The following RBFOX1 variants were observed in gnomAD, a reference collection of about 807,000 sequenced individuals.
RBFOX1 encodes RNA binding fox-1 homolog 1.
Under a neutral mutation model 57.7 loss-of-function variants are expected in RBFOX1, and 8 were observed. The observed-to-expected ratio is 0.14, with a 90% CI of 0.08 to 0.25. The LOEUF (loss-of-function observed/expected upper bound fraction) is 0.25. Among genes scored for constraint, RBFOX1 ranks in the 10% least tolerant of loss-of-function variants. RBFOX1 has a pLI of 1.00. For missense variants in RBFOX1, 611 were observed against 548.5 expected, an observed-to-expected ratio of 1.11 and a Z score of -1.14; for synonymous variants, 326 against 222.4, an observed-to-expected ratio of 1.47 and a Z score of -4.15.
At chr16:7,245,156 A>T (rs1003780630) in intron 4 of RBFOX1, among the ~76,000 whole-genome samples, 1 of 152,224 alleles carries the variant, frequency 6.6e-6, no homozygotes, top group African/African-American at 2.4e-5. Context: ...AACATAGAAC[A>T]GTGGTCTTAC....
At chr16:5,400,796 C>G (rs1465134049) in intron 1 of RBFOX1, among the ~76,000 whole-genome samples, 2 of 152,066 alleles carry the variant, frequency 1.3e-5, no homozygotes, top group Admixed American at 6.5e-5. Flanking sequence ...CCACCCCCAA[C>G]AGGTCTTTTT....
chr16:5,521,674 G>A (rs544009318), intron 2 of RBFOX1, among the ~76,000 whole-genome samples: 1 of 152,250 alleles, frequency 6.6e-6, no homozygotes, highest in African/African-American at 2.4e-5. Flanking sequence ...TAAGCAATCA[G>A]GTCTGCTGCA....
chr16:7,051,452 A>T (rs1366012413), intron 3 of RBFOX1, among the ~76,000 whole-genome samples: 1 of 152,338 alleles, frequency 6.6e-6, no homozygotes, highest in East Asian at 1.9e-4. Context: ...GCTAATACCC[A>T]CTTTCCTATC....
Position 5,973,245 on chromosome 16 carries a change from G to A in RBFOX1, c.351+105910G>A, listed in dbSNP as rs1200463067. Among the ~76,000 whole-genome samples, 9 of 152,202 alleles carry A rather than the reference G, an allele frequency of 5.9e-5. 1 individual carries two copies. The South Asian group carries it at 1.9e-3, about 32-fold the overall frequency. On this transcript the variant is annotated intron_variant, in intron 4 of 19. Coordinates refer to the RBFOX1 transcript ENST00000641259. ...AAGAAGGAGGTATTGGAAAATATAT[G>A]AACAGAGTCTAAGGTGTGATATATA...
chr16:7,389,295 T>G (rs1224890674), intron 4 of RBFOX1, among the ~76,000 whole-genome samples: 3 of 152,072 alleles, frequency 2.0e-5, no homozygotes, highest in Admixed American at 2.0e-4. Context: ...CCAGCTAATT[T>G]TAGTATTTTT....
At chr16:7,084,508 G>T (rs145028373) in intron 4 of RBFOX1, among the ~76,000 whole-genome samples, 2 of 152,304 alleles carry the variant, frequency 1.3e-5, no homozygotes, top group East Asian at 3.9e-4. Flanking sequence ...AAGGCCACTT[G>T]TGAGAAATAG....
intron 3 of RBFOX1, among the ~76,000 whole-genome samples, chr16:6,738,583 T>C (rs2071118103): frequency 6.6e-6 from 1 of 152,210 alleles, no homozygotes. Context: ...ATAGAATGAC[T>C]GTATAGGACA....
chr16:5,721,903 G>C (rs1034205597), intron 3 of RBFOX1, among the ~76,000 whole-genome samples: 4 of 152,212 alleles, frequency 2.6e-5, no homozygotes, highest in Non-Finnish European at 5.9e-5. Flanking sequence ...TATGTGGAAA[G>C]ACAAACACAA....
intron 4 of RBFOX1, among the ~76,000 whole-genome samples, chr16:7,452,427 C>T (rs1427898743): frequency 6.6e-6 from 1 of 152,184 alleles, no homozygotes; most frequent in Non-Finnish European, 1.5e-5. Flanking sequence ...CTTCATATTC[C>T]ATGAGGTTAC....
intron 2 of RBFOX1, among the ~76,000 whole-genome samples, chr16:6,395,441 G>T (rs2092786149): frequency 6.6e-6 from 1 of 152,006 alleles, no homozygotes. Context: ...TGTTTTAATG[G>T]CTCTGTAACT....
intron 3 of RBFOX1, among the ~76,000 whole-genome samples, chr16:6,777,859 A>G (rs147203878): frequency 0.012 from 1,813 of 152,280 alleles, 39 homozygotes; most frequent in African/African-American, 0.04. Context: ...AGTATTCCTC[A>G]GAGGTGTCAG....
intron 3 of RBFOX1, among the ~76,000 whole-genome samples, chr16:6,787,554 A>G (rs2082173596): frequency 6.6e-6 from 1 of 152,176 alleles, no homozygotes; most frequent in Admixed American, 6.5e-5. Flanking sequence ...AATTTGTGCC[A>G]ATTCCAGATT....
chr16:6,227,993 G>A (rs1254203833), intron 1 of RBFOX1, among the ~76,000 whole-genome samples: 1 of 152,160 alleles, frequency 6.6e-6, no homozygotes, highest in Non-Finnish European at 1.5e-5. Flanking sequence ...GCACTCCTGT[G>A]TTTATTGCAG....
chr16:5,917,351 C>G (rs1486722713), intron 4 of RBFOX1, among the ~76,000 whole-genome samples: 7 of 152,214 alleles, frequency 4.6e-5, no homozygotes, highest in Admixed American at 4.6e-4. Flanking sequence ...CTGCTAAGCA[C>G]TTTATGTGCA....
chr16:6,992,156 T>C (rs1201558995), intron 3 of RBFOX1, among the ~76,000 whole-genome samples: 2 of 146,434 alleles, frequency 1.4e-5, no homozygotes, highest in African/African-American at 2.4e-5. Flanking sequence ...ACCAAGCTCA[T>C]AGAGAAGCAA....
chr16:5,522,242 A>G (rs568806065), intron 2 of RBFOX1, among the ~76,000 whole-genome samples: 78 of 152,344 alleles, frequency 5.1e-4, no homozygotes, highest in African/African-American at 1.8e-3. Context: ...ATGGCCATGG[A>G]CAAGTCCATG....
chr16:6,843,463 C>T lies in RBFOX1; in HGVS notation c.-16+188813C>T, dbSNP rs186679892. On this transcript the variant is annotated intron_variant, in intron 3 of 15. Coordinates refer to ENST00000550418, the MANE Select transcript of RBFOX1 (RefSeq NM_018723.4). ...CAGTACTTTGGGAGGCTGAGGCGGG[C>T]AGATCACGAGGTCAGGAGATCGAGA... Among the ~76,000 whole-genome samples the T allele has an allele frequency of 5.7e-3, 871 of 152,128 alleles. 23 individuals carry two copies. The highest frequency in any genetic ancestry group is 0.04 in the Admixed American group (616 of 15,284).
intron 3 of RBFOX1, among the ~76,000 whole-genome samples, chr16:6,804,271 G>T (rs1353589059): frequency 6.6e-6 from 1 of 151,784 alleles, no homozygotes; most frequent in Non-Finnish European, 1.5e-5. Context: ...GCCTCCCAAA[G>T]TCCTGGGATT....
At chr16:5,565,433 C>T (rs2046030951) in intron 2 of RBFOX1, among the ~76,000 whole-genome samples, 2 of 152,020 alleles carry the variant, frequency 1.3e-5, no homozygotes, top group South Asian at 4.2e-4. Flanking sequence ...CAAAAGCAGC[C>T]TGACCAACAT....
Sources: gnomAD v4.1 joint callset for allele counts (sites outside exome capture counted in the v4.1 genomes callset) on GRCh38, gnomAD v4.1.1 for gene constraint, MANE v1.5 for transcripts, NCBI Gene and HGNC (gene_info 2026-07-23, HGNC 2026-07-21) for gene names.